Variants in CLPB observed in about 807,000 individuals in gnomAD.
CLPB encodes the protein ClpB family mitochondrial disaggregase.
A neutral mutation model predicts 78.4 loss-of-function variants in CLPB; 40 were observed. That is an observed-to-expected ratio of 0.51 (90% CI 0.40 to 0.66). CLPB has a LOEUF of 0.66. Ranked by LOEUF, CLPB falls within the 30% of genes least tolerant of loss-of-function variation. CLPB has a pLI of 0.00. For missense variants in CLPB, 780 were observed against 886.9 expected (o/e 0.88, Z 1.53); for synonymous variants, 333 against 348.0 (o/e 0.96, Z 0.48).
chr11:72,361,973 G>A (rs1950847594), intron 4 of CLPB, among the ~76,000 whole-genome samples: 1 of 152,212 alleles, frequency 6.6e-6, no homozygotes, highest in African/African-American at 2.4e-5. Flanking sequence ...CACAGCTGGG[G>A]CTATTTTGGC....
At chr11:72,425,299 C>T (rs1225836690) in intron 2 of CLPB, among the ~76,000 whole-genome samples, 2 of 152,034 alleles carry the variant, frequency 1.3e-5, no homozygotes, top group Non-Finnish European at 2.9e-5. Flanking sequence ...CAATCTTGTT[C>T]GTTACTGTTA....
chr11:72,400,046 C>G (rs1349679371), intron 3 of CLPB, among the ~76,000 whole-genome samples: 1 of 152,146 alleles, frequency 6.6e-6, no homozygotes, highest in Admixed American at 6.6e-5. Context: ...CGGCACTTAT[C>G]TTCTAATATA....
intron 3 of CLPB, among the ~76,000 whole-genome samples, chr11:72,394,732 C>T (rs1009040732): frequency 6.6e-5 from 10 of 152,202 alleles, no homozygotes; most frequent in Non-Finnish European, 1.5e-4. Context: ...CAGAGATAAT[C>T]GGCCATAGCA....
chr11:72,364,152 A>G (rs1389080990), intron 4 of CLPB, among the ~76,000 whole-genome samples: 1 of 152,178 alleles, frequency 6.6e-6, no homozygotes, highest in Non-Finnish European at 1.5e-5. Context: ...AACTAAAAAA[A>G]GTGTAGAGAG....
chr11:72,324,676 G>A (rs1042637987), intron 6 of CLPB, among the ~76,000 whole-genome samples: 5 of 152,208 alleles, frequency 3.3e-5, no homozygotes, highest in Non-Finnish European at 7.4e-5. Context: ...AAGCCACAGG[G>A]CCAAGTACAG....
At chr11:72,386,809 T>G (rs1368183669) in intron 3 of CLPB, among the ~76,000 whole-genome samples, 2 of 152,214 alleles carry the variant, frequency 1.3e-5, no homozygotes, top group Non-Finnish European at 2.9e-5. Flanking sequence ...GCAGCTAAAA[T>G]CTATGTCTAA....
chr11:72,430,550 G>C (rs1435203820), intron 1 of CLPB, 187 bp from the exon 2 acceptor site: 9 of 582,406 alleles, frequency 1.5e-5, no homozygotes, highest in Non-Finnish European at 2.5e-5. Flanking sequence ...TTAACAACCT[G>C]ACTTCCACAC....
At chr11:72,333,270 G>T (rs1950260836) in intron 5 of CLPB, among the ~76,000 whole-genome samples, 1 of 152,170 alleles carries the variant, frequency 6.6e-6, no homozygotes, top group African/African-American at 2.4e-5. Context: ...CCCTAGGAAG[G>T]AGTGTGTCTG....
chr11:72,361,009 T>A (rs1950828476), intron 4 of CLPB, among the ~76,000 whole-genome samples: 1 of 152,194 alleles, frequency 6.6e-6, no homozygotes, highest in African/African-American at 2.4e-5. Context: ...GCCTTGGCTC[T>A]TATTCCATCC....
intron 9 of CLPB, 105 bp from the exon 10 acceptor site, chr11:72,302,453 C>T: frequency 3.2e-6 from 3 of 930,766 alleles, no homozygotes; most frequent in Middle Eastern, 2.1e-4. Flanking sequence ...TCACACCACA[C>T]CAACATAAGA....
intron 2 of CLPB, among the ~76,000 whole-genome samples, chr11:72,412,458 T>A (rs760553740): frequency 1.3e-5 from 2 of 152,230 alleles, no homozygotes; most frequent in South Asian, 2.1e-4. Flanking sequence ...CAGAAAACTT[T>A]AAAATTTCTG....
chr11:72,306,356 G>A (rs193166027), intron 9 of CLPB, among the ~76,000 whole-genome samples: 1 of 152,326 alleles, frequency 6.6e-6, no homozygotes, highest in East Asian at 1.9e-4. Context: ...ACTCCTCATT[G>A]CCTTGGCCAG....
At chr11:72,337,230 C>G in intron 5 of CLPB, 1 of 398,062 alleles carries the variant, frequency 2.5e-6, no homozygotes, top group East Asian at 3.6e-5. Flanking sequence ...TTCTATAAAC[C>G]ACACCACTGA....
intron 7 of CLPB, among the ~76,000 whole-genome samples, chr11:72,309,954 T>C (rs1050431479): frequency 2.6e-5 from 4 of 152,150 alleles, no homozygotes; most frequent in East Asian, 1.9e-4. Context: ...TACTGTGTGG[T>C]TGGATTTCAA....
intron 5 of CLPB, among the ~76,000 whole-genome samples, chr11:72,338,205 A>G (rs1950356311): frequency 6.6e-6 from 1 of 152,182 alleles, no homozygotes; most frequent in South Asian, 2.1e-4. Flanking sequence ...CAGGGGAGTG[A>G]GATGAAGATG....
chr11:72,347,718 A>G (rs1950541760), intron 5 of CLPB, among the ~76,000 whole-genome samples: 1 of 152,230 alleles, frequency 6.6e-6, no homozygotes, highest in Admixed American at 6.5e-5. Context: ...TCCATGTTCT[A>G]ACCCTGGAAC....
At chr11:72,316,399 T>G (rs1949942591) in intron 7 of CLPB, among the ~76,000 whole-genome samples, 1 of 152,204 alleles carries the variant, frequency 6.6e-6, no homozygotes, top group South Asian at 2.1e-4. Context: ...TTGCCTCATC[T>G]ATCTGAAATC....
intron 4 of CLPB, among the ~76,000 whole-genome samples, chr11:72,364,586 C>T (rs1173347005): frequency 6.6e-6 from 1 of 151,878 alleles, no homozygotes; most frequent in East Asian, 1.9e-4. Context: ...TCTCAAACTC[C>T]TGGGCTCAAG....
intron 2 of CLPB, among the ~76,000 whole-genome samples, chr11:72,425,703 T>C (rs1405041110): frequency 6.6e-6 from 1 of 152,174 alleles, no homozygotes; most frequent in Non-Finnish European, 1.5e-5. Flanking sequence ...CCTCAGACTG[T>C]GATCCAGCAA....
Sources: gnomAD v4.1 joint callset for allele counts (sites outside exome capture counted in the v4.1 genomes callset) on GRCh38, gnomAD v4.1.1 for gene constraint, MANE v1.5 for transcripts, NCBI Gene and HGNC (gene_info 2026-07-23, HGNC 2026-07-21) for gene names.